TMEM108: variants seen among roughly 807,000 people sequenced by gnomAD.
TMEM108 encodes the protein cancer/testis antigen 124.
A neutral mutation model predicts 35.1 loss-of-function variants in TMEM108; 12 were observed. That is an observed-to-expected ratio of 0.34 (90% confidence interval 0.22 to 0.55). TMEM108 has a LOEUF of 0.55. Ranked by LOEUF, TMEM108 falls within the 20% of genes least tolerant of loss-of-function variation. TMEM108 has a pLI of 0.89. For missense variants in TMEM108, 680 were observed against 753.3 expected (o/e 0.90, Z 1.14); for synonymous variants, 287 against 308.6 (o/e 0.93, Z 0.73).
chr3:133,333,566 T>C (rs545636277), intron 3 of TMEM108, among the ~76,000 whole-genome samples: 1 of 152,284 alleles, frequency 6.6e-6, no homozygotes, highest in East Asian at 1.9e-4. Flanking sequence ...AAAGGACCCC[T>C]TAGCTTGGCA....
chr3:133,303,956 G>A lies in TMEM108; in HGVS notation c.40+74605G>A, dbSNP rs76890283. Among the ~76,000 whole-genome samples, 1,101 of 152,282 alleles carry A rather than the reference G, an allele frequency of 7.2e-3. 21 individuals are homozygous for A. The highest frequency in any genetic ancestry group is 0.025 in the African/African-American group (1,053 of 41,546). The stretch of plus-strand genomic sequence containing the variant: ...GGCTCATGCTACATAATCCAGCATA[G>A]CCATGTGGTAGCTGTTATTTTCAGT... On this transcript the variant is annotated intron_variant, in intron 3 of 5. Coordinates refer to ENST00000321871, the MANE Select transcript of TMEM108 (RefSeq NM_023943.4).
At chr3:133,293,791 C>T (rs1382740688) in intron 3 of TMEM108, among the ~76,000 whole-genome samples, 2 of 151,938 alleles carry the variant, frequency 1.3e-5, no homozygotes, top group Non-Finnish European at 1.5e-5. Flanking sequence ...ATTGAAGATT[C>T]CTCTTATCTC....
At chr3:133,237,897 T>C (rs1342513705) in intron 3 of TMEM108, among the ~76,000 whole-genome samples, 4 of 152,186 alleles carry the variant, frequency 2.6e-5, no homozygotes, top group Non-Finnish European at 5.9e-5. Context: ...ATATAGTAAA[T>C]ACCAATAGAT....
At chr3:133,233,960 G>A (rs1331784449) in intron 3 of TMEM108, among the ~76,000 whole-genome samples, 10 of 150,988 alleles carry the variant, frequency 6.6e-5, no homozygotes, top group Non-Finnish European at 1.3e-4. Context: ...AGATGAGTAG[G>A]TTGTGAAAAT....
At chr3:133,298,876 C>A (rs977148569) in intron 3 of TMEM108, among the ~76,000 whole-genome samples, 1 of 152,134 alleles carries the variant, frequency 6.6e-6, no homozygotes, top group Admixed American at 6.5e-5. Flanking sequence ...TTATAAAAAA[C>A]TACAAAGACC....
chr3:133,356,540 T>C (rs565367175), intron 3 of TMEM108, among the ~76,000 whole-genome samples: 1 of 152,048 alleles, frequency 6.6e-6, no homozygotes, highest in South Asian at 2.1e-4. Context: ...AAAGAACAGA[T>C]CTGGAGACAT....
intron 3 of TMEM108, among the ~76,000 whole-genome samples, chr3:133,241,795 G>A (rs1946317822): frequency 6.6e-6 from 1 of 151,926 alleles, no homozygotes; most frequent in Non-Finnish European, 1.5e-5. Flanking sequence ...TGCATTTTTA[G>A]TAGAGACAGA....
chr3:133,187,782 G>C (rs565600990), intron 2 of TMEM108, among the ~76,000 whole-genome samples: 1 of 150,006 alleles, frequency 6.7e-6, no homozygotes, highest in African/African-American at 2.5e-5. Context: ...GAGTGTGAGT[G>C]AACAGGACAA....
chr3:133,349,395 G>A (rs772601964), intron 3 of TMEM108, among the ~76,000 whole-genome samples: 1 of 152,052 alleles, frequency 6.6e-6, no homozygotes, highest in Non-Finnish European at 1.5e-5. Flanking sequence ...AGCAAACACA[G>A]CAATATAATT....
At chr3:133,087,607 T>G (rs969488184) in intron 2 of TMEM108, among the ~76,000 whole-genome samples, 9 of 152,216 alleles carry the variant, frequency 5.9e-5, no homozygotes, top group African/African-American at 2.2e-4. Context: ...AAGGGAAGTT[T>G]CTGACATTAA....
chr3:133,191,215 A>G (rs1191076006), intron 2 of TMEM108, among the ~76,000 whole-genome samples: 2 of 152,168 alleles, frequency 1.3e-5, no homozygotes, highest in Admixed American at 6.6e-5. Flanking sequence ...AGAAAAATAC[A>G]TAGAGGGAGG....
At chr3:133,096,660 A>T (rs1278878695) in intron 2 of TMEM108, among the ~76,000 whole-genome samples, 1 of 152,210 alleles carries the variant, frequency 6.6e-6, no homozygotes, top group African/African-American at 2.4e-5. Context: ...TAGATGACAG[A>T]TGGTAAAGAG....
intron 3 of TMEM108, among the ~76,000 whole-genome samples, chr3:133,233,026 GTT>G (rs61221027): frequency 5.1e-4 from 71 of 138,756 alleles, no homozygotes; most frequent in East Asian, 1.4e-3. Flanking sequence ...TACCACTTTC[GTT>G]TTTTTTTTTT....
intron 3 of TMEM108, among the ~76,000 whole-genome samples, chr3:133,336,624 G>T (rs1287892813): frequency 6.6e-6 from 1 of 152,000 alleles, no homozygotes; most frequent in Non-Finnish European, 1.5e-5. Context: ...TCTCAGGTGT[G>T]GTAGCTATGG....
chr3:133,218,086 T>G (rs946177745), intron 2 of TMEM108, among the ~76,000 whole-genome samples: 2 of 152,024 alleles, frequency 1.3e-5, no homozygotes, highest in Non-Finnish European at 2.9e-5. Flanking sequence ...GTCTTCAATT[T>G]CTTTCATTAA....
intron 3 of TMEM108, among the ~76,000 whole-genome samples, chr3:133,332,080 G>C (rs887105048): frequency 1.7e-5 from 1 of 57,840 alleles, no homozygotes; most frequent in Non-Finnish European, 4.1e-5. Flanking sequence ...GCGTGCGCAC[G>C]TGCACACACA....
chr3:133,371,211 C>T (rs1455003698), intron 3 of TMEM108, among the ~76,000 whole-genome samples: 2 of 151,736 alleles, frequency 1.3e-5, no homozygotes, highest in African/African-American at 2.4e-5. Flanking sequence ...TGCTGCCTAA[C>T]AAACCACTGC....
chr3:133,103,114 C>G (rs1944108432), intron 2 of TMEM108, among the ~76,000 whole-genome samples: 1 of 152,128 alleles, frequency 6.6e-6, no homozygotes, highest in Non-Finnish European at 1.5e-5. Flanking sequence ...AAATTATTCT[C>G]TTATAAAGAC....
chr3:133,250,540 T>C (rs1315168210), intron 3 of TMEM108, among the ~76,000 whole-genome samples: 2 of 152,230 alleles, frequency 1.3e-5, no homozygotes, highest in African/African-American at 4.8e-5. Context: ...TCAAAAGTTA[T>C]ATGTGGATTT....
Sources: allele counts gnomAD v4.1 joint callset (sites outside exome capture counted in the v4.1 genomes callset), GRCh38; gene constraint gnomAD v4.1.1; transcripts MANE v1.5; gene names NCBI Gene and HGNC (gene_info 2026-07-23, HGNC 2026-07-21).